Variants in C19orf44 observed in about 807,000 individuals in gnomAD.
The protein encoded by C19orf44 is uncharacterized protein C19orf44.
In C19orf44, 43 loss-of-function variants were observed where a neutral mutation model predicts 50.7. The observed-to-expected ratio is 0.85, with a 90% confidence interval of 0.66 to 1.09. The LOEUF is 1.09. Among genes scored for constraint, C19orf44 ranks in the 50% least tolerant of loss-of-function variants. C19orf44 has a pLI of 0.00. For missense variants in C19orf44, 722 were observed against 836.2 expected (o/e 0.86, Z 1.68); for synonymous variants, 298 against 334.7 (o/e 0.89, Z 1.20).
intron 4 of C19orf44, among the ~76,000 whole-genome samples, chr19:16,508,540 C>T (rs1280831393): frequency 2.6e-5 from 4 of 152,092 alleles, no homozygotes; most frequent in Non-Finnish European, 5.9e-5. Context: ...AGCGTGCACC[C>T]ATGCCTGGCT....
chr19:16,520,750 T>C lies in C19orf44; in HGVS notation c.*697T>C. The stretch of plus-strand genomic sequence containing the variant: ...TGTGTGAGGGTGGACGTGATGAGTG[T>C]ATCTGGGGTCTGCTCCCACCCATCA... On this transcript the variant is annotated 3_prime_UTR_variant, in exon 9 of 9. Coordinates refer to ENST00000221671, the MANE Select transcript of C19orf44 (RefSeq NM_032207.4). The surrounding 1 kb of genome is among the most constrained non-coding windows in gnomAD (Gnocchi z 4.0). The C allele has an allele frequency of 7.2e-7, 1 of 1,394,710 alleles. No homozygotes were observed. Among genetic ancestry groups the C allele is most frequent in the Non-Finnish European group, 1.0e-6 (1 of 986,088 alleles). The allele number at this position is 1,394,710 out of a possible 1,614,324, so 86.4% of individuals were successfully genotyped here.
intron 4 of C19orf44, 71 bp downstream of exon 4, chr19:16,506,845 A>G: frequency 8.7e-7 from 1 of 1,150,568 alleles, no homozygotes; most frequent in South Asian, 1.5e-5. Flanking sequence ...TAAATTTTTA[A>G]AAAATTTAAA....
intron 5 of C19orf44, among the ~76,000 whole-genome samples, chr19:16,510,624 G>A (rs1018618055): frequency 4.6e-5 from 7 of 152,072 alleles, no homozygotes; most frequent in African/African-American, 1.4e-4. Context: ...GAATGCTATC[G>A]GCATCTGCTG....
intron 6 of C19orf44, among the ~76,000 whole-genome samples, chr19:16,513,371 C>A (rs1179628734): frequency 1.3e-5 from 2 of 152,080 alleles, no homozygotes; most frequent in Non-Finnish European, 2.9e-5. Flanking sequence ...GCCCTGCACC[C>A]CAACAAGGCC....
rs1271365733 is a variant in C19orf44 at position 16,521,171 on chromosome 19, T to A, written c.*1118T>A. 2 of 584,674 alleles carry A rather than the reference T, an allele frequency of 3.4e-6. No homozygotes were observed. 36.2% of individuals were successfully genotyped at this position (584,674 alleles called of 1,614,324 possible). ...GGTGGGGACCCATGGTCTGTGGAAC[T>A]GGGAAACAGGAACACTGACTCATGG... On this transcript the variant is annotated 3_prime_UTR_variant, in exon 9 of 9. Coordinates refer to ENST00000221671, the MANE Select transcript of C19orf44 (RefSeq NM_032207.4).
chr19:16,503,269 A>T lies in C19orf44; in HGVS notation c.964A>T (p.Asn322Tyr). ...AGTTTCCATCACAGGCGCCTTTTCA[A>T]ACTCAGTGTCTTTAAAGATGGGGCA... ...PSVSITGAFS[N>Y]SVSLKMGHVK... Residue 322 changes from asparagine to tyrosine, a missense_variant, in exon 3 of 9, where the codon AAC becomes TAC. Physicochemically the swap from Asn to Tyr is moderately radical, Grantham distance 143. Transcript: ENST00000221671. 2 of 1,614,062 alleles carry T rather than the reference A, an allele frequency of 1.2e-6. No individual in the cohort carries two copies. Among genetic ancestry groups the T allele is most frequent in the Non-Finnish European group, 1.7e-6 (2 of 1,180,026 alleles).
chr19:16,504,265 C>T (rs548308180), intron 3 of C19orf44, among the ~76,000 whole-genome samples: 2 of 152,198 alleles, frequency 1.3e-5, no homozygotes, highest in Non-Finnish European at 2.9e-5. Context: ...CCCCACACTC[C>T]TGGGTCCCGG....
intron 1 of C19orf44, among the ~76,000 whole-genome samples, chr19:16,499,195 G>A (rs991248243): frequency 6.6e-6 from 1 of 152,152 alleles, no homozygotes; most frequent in African/African-American, 2.4e-5. Flanking sequence ...GGCACTCCTA[G>A]TACAGGGTAG....
At chr19:16,497,045 G>A (rs1471379449) in intron 1 of C19orf44, among the ~76,000 whole-genome samples, 1 of 152,154 alleles carries the variant, frequency 6.6e-6, no homozygotes, top group African/African-American at 2.4e-5. Flanking sequence ...AGGCAGGAGG[G>A]AGGATTGCTT....
At chr19:16,512,677 G>A (rs576855836) in intron 5 of C19orf44, among the ~76,000 whole-genome samples, 1 of 152,130 alleles carries the variant, frequency 6.6e-6, no homozygotes, top group East Asian at 1.9e-4. Flanking sequence ...AGACCAGCCT[G>A]GGCAACATAG....
Position 16,520,525 on chromosome 19 carries a change from A to G in C19orf44, c.*472A>G. 3 of 1,604,744 alleles carry G rather than the reference A, an allele frequency of 1.9e-6. No individual in the cohort carries two copies. The highest frequency in any genetic ancestry group is 1.7e-6 in the Non-Finnish European group (2 of 1,175,006). On this transcript the variant is annotated 3_prime_UTR_variant, in exon 9 of 9. Transcript: ENST00000221671. This position sits in a 1 kb window ranked among gnomAD's most constrained non-coding sequence, Gnocchi z 4.0. ...AGGGTCCGCTGTGGGGAGAGGCCTG[A>G]TGATCAGGTGCCCCAGTGGATGGGC...
In C19orf44 at chr19:16,506,698, C is replaced by A; in HGVS notation, c.1076-3C>A. 1 of 1,575,596 alleles carries A rather than the reference C, an allele frequency of 6.3e-7. No individual in the cohort carries two copies. Among genetic ancestry groups the A allele is most frequent in the Non-Finnish European group, 8.6e-7 (1 of 1,160,408 alleles). On this transcript the variant is annotated splice_region_variant and splice_polypyrimidine_tract_variant and intron_variant, in intron 3 of 8. Coordinates refer to ENST00000221671, the MANE Select transcript of C19orf44 (RefSeq NM_032207.4). ...AACGCTTATACTCATTTTTTAATTA[C>A]AGAGTTTAGAATAAATATTTTATCG...
At position 16,519,670 on chromosome 19, in the gene C19orf44, G is replaced by T; in HGVS notation, c.*41-424G>T. 1 of 1,614,034 alleles carries T rather than the reference G, an allele frequency of 6.2e-7. No homozygotes were observed. The highest frequency in any genetic ancestry group is 8.5e-7 in the Non-Finnish European group (1 of 1,179,950). On this transcript the variant is annotated intron_variant, in intron 8 of 8. Transcript: ENST00000221671. This position sits in a 1 kb window ranked among gnomAD's most constrained non-coding sequence, Gnocchi z 6.0. ...CTTTGTTCTCTTCTCCGAGCCTTGA[G>T]TCAGGGATGGGAGGCGCCGAATTAG...
Position 16,509,617 on chromosome 19 carries a change from C to T in C19orf44, c.1268C>T (p.Ala423Val). 6.2e-7 allele frequency: 1 copy of T among 1,614,226 alleles called. No individual in the cohort carries two copies. The highest frequency in any genetic ancestry group is 8.5e-7 in the Non-Finnish European group (1 of 1,180,028). Reference protein sequence around the residue: ...ARSWASQGKAASAEGDESEVS... With the variant: ...ARSWASQGKAVSAEGDESEVS... ...AGCTGGGCATCACAGGGAAAGGCCGCCTCTGCAGAGGGGGATGAGAGCGAG... is the reference window on the plus strand; with the variant it reads ...AGCTGGGCATCACAGGGAAAGGCCGTCTCTGCAGAGGGGGATGAGAGCGAG... The change falls in exon 5 of 9, where the codon GCC becomes GTC. Residue 423 changes from alanine to valine, a missense_variant. Coordinates refer to ENST00000221671, the MANE Select transcript of C19orf44 (RefSeq NM_032207.4).
intron 3 of C19orf44, among the ~76,000 whole-genome samples, chr19:16,506,191 G>A (rs1430141564): frequency 6.9e-6 from 1 of 144,746 alleles, no homozygotes; most frequent in African/African-American, 2.6e-5. Context: ...TAGCCAGGAT[G>A]GTCTCGATCT....
chr19:16,501,434 C>T lies in C19orf44; in HGVS notation c.642C>T (p.Asp214=), dbSNP rs373902605. 53 of 1,613,262 alleles carry T rather than the reference C, an allele frequency of 3.3e-5. No individual in the cohort carries two copies. The highest frequency in any genetic ancestry group is 1.6e-4 in the Middle Eastern group (1 of 6,084). The change falls in exon 2 of 9, where the codon GAC becomes GAT. Residue 214 remains aspartate, a synonymous_variant. Transcript: ENST00000221671. ...GAACATTTGATTCTCCAGACAGTGA[C>T]GAAGAAGAAATGAAAGTATTGCTAG... ...PARTFDSPDS[D]EEEMKVLLGS... is the part of the protein sequence containing the mutation.
intron 7 of C19orf44, among the ~76,000 whole-genome samples, chr19:16,515,382 T>C (rs766466432): frequency 3.3e-5 from 5 of 152,142 alleles, no homozygotes; most frequent in Non-Finnish European, 7.3e-5. Context: ...TAAAATCTGA[T>C]TACCAAAAAT....
intron 2 of C19orf44, among the ~76,000 whole-genome samples, chr19:16,501,969 G>A (rs1048058801): frequency 2.7e-5 from 4 of 150,876 alleles, no homozygotes; most frequent in Non-Finnish European, 4.4e-5. Context: ...GAGTGCAGTG[G>A]CGTGATCTCA....
Position 16,503,390 on chromosome 19 carries a change from G to T in C19orf44, c.1075+10G>T, listed in dbSNP as rs2093431674. 6.2e-7 allele frequency: 1 copy of T among 1,601,388 alleles called. No homozygotes were observed. Among genetic ancestry groups the T allele is most frequent in the Non-Finnish European group, 8.5e-7 (1 of 1,171,520 alleles). On this transcript the variant is annotated intron_variant, in intron 3 of 8. Transcript: ENST00000221671. ...GATGACAGCCTCGACGGTAATCCCA[G>T]TCCCGGTGCAAAGCCAGTACCTTGG... is the stretch of plus-strand genomic sequence containing the variant.
Sources: gnomAD v4.1 joint callset for allele counts (sites outside exome capture counted in the v4.1 genomes callset) on GRCh38, gnomAD v4.1.1 for gene constraint, Gnocchi (gnomAD v3.1) non-coding constraint, MANE v1.5 for transcripts, NCBI Gene and HGNC (gene_info 2026-07-23, HGNC 2026-07-21) for gene names.